The following PRKG1 variants were observed in gnomAD, a reference collection of about 807,000 sequenced individuals.
PRKG1 encodes protein kinase cGMP-dependent 1, also known as cGMP-dependent protein kinase 1.
PRKG1 carries 35 observed loss-of-function variants against 88.1 expected under a neutral mutation model. That is an observed-to-expected ratio of 0.40 (90% CI 0.30 to 0.53). The LOEUF is 0.53. Among genes scored for constraint, PRKG1 ranks in the 20% least tolerant of loss-of-function variants. The pLI, the probability that PRKG1 is intolerant of heterozygous loss-of-function variation, is 0.59. For missense variants in PRKG1, 540 were observed against 839.8 expected, an observed-to-expected ratio of 0.64 and a Z score of 4.41; for synonymous variants, 303 against 292.5, an observed-to-expected ratio of 1.04 and a Z score of -0.37.
intron 2 of PRKG1, among the ~76,000 whole-genome samples, chr10:51,341,015 CAA>C (rs1419256058): frequency 6.6e-6 from 1 of 152,080 alleles, no homozygotes; most frequent in African/African-American, 2.4e-5. Flanking sequence ...TCCATTCATC[CAA>C]AGAGTCTCTA....
At chr10:51,403,662 A>G (rs1256306498) in intron 2 of PRKG1, among the ~76,000 whole-genome samples, 1 of 152,142 alleles carries the variant, frequency 6.6e-6, no homozygotes, top group Middle Eastern at 3.2e-3. Flanking sequence ...AAATCCTTTT[A>G]TTTAACTGCT....
At chr10:51,764,671 C>G (rs1399252935) in intron 3 of PRKG1, among the ~76,000 whole-genome samples, 3 of 152,020 alleles carry the variant, frequency 2.0e-5, no homozygotes, top group African/African-American at 7.2e-5. Context: ...CTTTTTAGTG[C>G]CCATCTATTT....
intron 5 of PRKG1, among the ~76,000 whole-genome samples, chr10:52,034,206 C>T (rs1339705547): frequency 6.6e-6 from 1 of 151,958 alleles, no homozygotes; most frequent in African/African-American, 2.4e-5. Context: ...AGAGGCCTGA[C>T]ATTCCTGCCT....
In PRKG1 at chr10:52,155,732, G is replaced by GACACACAC. The variant is rs146109771; in HGVS notation, c.1002-6140_1002-6133dup. 5.4e-3 allele frequency among the ~76,000 whole-genome samples: 796 copies of GACACACAC among 147,880 alleles called. 9 individuals are homozygous for GACACACAC. The highest frequency in any genetic ancestry group is 0.019 in the East Asian group (94 of 5,056). ...TCAATTTGTTAACCTATTGCCATTG[G>GACACACAC]ACACACACACACACACACACACACG... On this transcript the variant is annotated intron_variant, in intron 8 of 17. Coordinates refer to ENST00000373980, the MANE Select transcript of PRKG1 (RefSeq NM_006258.4).
intron 5 of PRKG1, among the ~76,000 whole-genome samples, chr10:52,000,534 T>C (rs1844567289): frequency 6.6e-6 from 1 of 152,070 alleles, no homozygotes; most frequent in Non-Finnish European, 1.5e-5. Context: ...GTTGAAATAT[T>C]GTGGTGCGTA....
intron 4 of PRKG1, among the ~76,000 whole-genome samples, chr10:51,852,691 A>G (rs976284767): frequency 6.6e-6 from 1 of 152,138 alleles, no homozygotes; most frequent in African/African-American, 2.4e-5. Flanking sequence ...TTAAAAATCC[A>G]CCAGTTTTCT....
At chr10:51,055,519 G>T (rs1054072651) in intron 1 of PRKG1, among the ~76,000 whole-genome samples, 2 of 151,832 alleles carry the variant, frequency 1.3e-5, no homozygotes, top group African/African-American at 2.4e-5. Flanking sequence ...AATTTTGTTT[G>T]TCAGGAGATC....
At chr10:51,188,555 C>T (rs1837553001) in intron 2 of PRKG1, among the ~76,000 whole-genome samples, 1 of 151,684 alleles carries the variant, frequency 6.6e-6, no homozygotes, top group Non-Finnish European at 1.5e-5. Flanking sequence ...ACAATTGCAA[C>T]AAATTGATGA....
intron 3 of PRKG1, among the ~76,000 whole-genome samples, chr10:51,575,700 C>T (rs536936594): frequency 2.9e-4 from 44 of 150,492 alleles, no homozygotes; most frequent in South Asian, 8.3e-4. Context: ...TATATGAGCC[C>T]GCTCATGGCT....
At chr10:51,237,402 C>T (rs1230589496) in intron 2 of PRKG1, among the ~76,000 whole-genome samples, 1 of 152,080 alleles carries the variant, frequency 6.6e-6, no homozygotes. Flanking sequence ...TATCCATGGG[C>T]CCCAGGGCAC....
chr10:52,080,696 T>C (rs1031682669), intron 7 of PRKG1, among the ~76,000 whole-genome samples: 1 of 152,206 alleles, frequency 6.6e-6, no homozygotes, highest in African/African-American at 2.4e-5. Context: ...GTTTTGTGTA[T>C]CATACAAAAA....
chr10:51,719,468 T>C (rs775781624), intron 3 of PRKG1, among the ~76,000 whole-genome samples: 6 of 152,182 alleles, frequency 3.9e-5, no homozygotes, highest in Non-Finnish European at 8.8e-5. Context: ...AGGGACATTA[T>C]ACAAAATACC....
At chr10:51,051,336 G>A (rs944178287) in intron 1 of PRKG1, among the ~76,000 whole-genome samples, 11 of 151,870 alleles carry the variant, frequency 7.2e-5, no homozygotes, top group South Asian at 2.1e-4. Context: ...TTGATTTTTC[G>A]TATGATGCAA....
intron 7 of PRKG1, among the ~76,000 whole-genome samples, chr10:52,091,678 G>A (rs1417458869): frequency 6.6e-6 from 1 of 152,182 alleles, no homozygotes; most frequent in Non-Finnish European, 1.5e-5. Context: ...ACAGTCTTGG[G>A]TTGCGTCAGA....
chr10:52,132,909 C>T (rs1044568789), intron 7 of PRKG1, among the ~76,000 whole-genome samples: 16 of 151,952 alleles, frequency 1.1e-4, no homozygotes, highest in African/African-American at 2.9e-4. Context: ...CTGTGGAGAA[C>T]GGGGTATCCA....
chr10:52,018,818 A>C (rs1330740591), intron 5 of PRKG1, among the ~76,000 whole-genome samples: 1 of 152,184 alleles, frequency 6.6e-6, no homozygotes, highest in African/African-American at 2.4e-5. Flanking sequence ...CCCTGGAGTG[A>C]GCTAGTGAAA....
chr10:51,616,917 A>G (rs1839072192), intron 3 of PRKG1, among the ~76,000 whole-genome samples: 1 of 152,086 alleles, frequency 6.6e-6, no homozygotes, highest in Non-Finnish European at 1.5e-5. Context: ...AGTAGCCCAT[A>G]CTTTGCTTGT....
intron 3 of PRKG1, among the ~76,000 whole-genome samples, chr10:51,776,684 G>T (rs145891930): frequency 1.1e-3 from 161 of 152,130 alleles, no homozygotes; most frequent in African/African-American, 3.8e-3. Flanking sequence ...AATTAGTCAG[G>T]TGTGGTGGGA....
intron 3 of PRKG1, among the ~76,000 whole-genome samples, chr10:51,649,646 A>C (rs1804727770): frequency 6.6e-6 from 1 of 152,238 alleles, no homozygotes; most frequent in African/African-American, 2.4e-5. Context: ...TGCTCAGCGA[A>C]GCAAGGAAAG....
Sources: allele counts gnomAD v4.1 joint callset (sites outside exome capture counted in the v4.1 genomes callset), GRCh38; gene constraint gnomAD v4.1.1; transcripts MANE v1.5; gene names NCBI Gene and HGNC (gene_info 2026-07-23, HGNC 2026-07-21).